The following FAM246B variants were observed in gnomAD, a reference collection of about 807,000 sequenced individuals.
The protein encoded by FAM246B is family with sequence similarity 246 member B.
In FAM246B at chr22:18,634,553, C is replaced by T. The variant is rs1933692333; in HGVS notation, c.570C>T (p.Val190=). ...CGCTCGGCACCGTGAGCGCCCTGGT[C>T]GCCGCCTCCAGGCCCGCAGACGACG... Residue 190 remains valine, a synonymous_variant, in exon 1 of 1, where the codon GTC becomes GTT. Coordinates refer to ENST00000652395, the Ensembl canonical transcript of FAM246B. Among the ~76,000 whole-genome samples the T allele has an allele frequency of 3.2e-5, 2 of 62,082 alleles. 1 individual carries two copies. The highest frequency in any genetic ancestry group is 9.7e-4 in the South Asian group (2 of 2,054). 40.7% of individuals were successfully genotyped at this position (62,082 alleles called of 152,430 possible). A position where few individuals can be genotyped will look rare whatever the true frequency, so the allele number is the denominator to read the frequency against.
Sources: gnomAD v4.1 joint callset for allele counts (sites outside exome capture counted in the v4.1 genomes callset) on GRCh38, gnomAD v4.1.1 for gene constraint, MANE v1.5 for transcripts, NCBI Gene and HGNC (gene_info 2026-07-23, HGNC 2026-07-21) for gene names.